Variants in SYBU observed in about 807,000 individuals in gnomAD.
SYBU encodes the protein GOLSYN A protein.
Under a neutral mutation model 35.9 loss-of-function variants are expected in SYBU, and 21 were observed. The observed-to-expected ratio is 0.58, with a 90% CI of 0.41 to 0.84. The LOEUF is 0.84. Among genes scored for constraint, SYBU ranks in the 40% least tolerant of loss-of-function variants. The pLI, the probability that SYBU is intolerant of heterozygous loss-of-function variation, is 0.00. For missense variants in SYBU, 768 were observed against 848.2 expected (o/e 0.91, Z 1.17); for synonymous variants, 319 against 324.3 (o/e 0.98, Z 0.18).
At chr8:109,678,979 T>G (rs115777778) in intron 1 of SYBU, among the ~76,000 whole-genome samples, 2,162 of 152,096 alleles carry the variant, frequency 0.014, 51 homozygotes, top group African/African-American at 0.049. Context: ...AGTGACAGGA[T>G]GGAGGTTGGC....
chr8:109,605,002 A>G lies in SYBU; in HGVS notation c.427+13840T>C, dbSNP rs533043780. 2.6e-5 allele frequency among the ~76,000 whole-genome samples: 4 copies of G among 152,320 alleles called. No individual in the cohort carries two copies. The East Asian group carries it at 7.7e-4, about 29-fold the overall frequency. ...AGTTTCCCTGAATAATGTTGCTGCCATGTAAGACAAGGAAGCATCCCTTAC... is the reference window on the plus strand; with the variant it reads ...AGTTTCCCTGAATAATGTTGCTGCCGTGTAAGACAAGGAAGCATCCCTTAC... On this transcript the variant is annotated intron_variant, in intron 3 of 6. Transcript: ENST00000276646.
At chr8:109,679,147 T>C (rs562582795) in intron 1 of SYBU, among the ~76,000 whole-genome samples, 5 of 152,284 alleles carry the variant, frequency 3.3e-5, no homozygotes, top group East Asian at 1.9e-4. Flanking sequence ...TAAAAGACAC[T>C]CCTACCAGCG....
intron 1 of SYBU, among the ~76,000 whole-genome samples, chr8:109,663,061 T>A (rs1816622165): frequency 6.6e-6 from 1 of 152,200 alleles, no homozygotes; most frequent in East Asian, 1.9e-4. Context: ...TAAGATATAC[T>A]CTTGATTTTT....
chr8:109,671,222 T>C (rs1031197101), intron 1 of SYBU, among the ~76,000 whole-genome samples: 1 of 151,468 alleles, frequency 6.6e-6, no homozygotes, highest in Non-Finnish European at 1.5e-5. Flanking sequence ...AAATCTTATT[T>C]CAGCATTTCC....
At position 109,621,541 on chromosome 8, in the gene SYBU, G is replaced by A. The variant is rs539067387; in HGVS notation, c.230-2502C>T. Among the ~76,000 whole-genome samples the A allele has an allele frequency of 3.3e-5, 5 of 152,302 alleles. No individual in the cohort carries two copies. The East Asian group carries it at 5.8e-4, about 18-fold the overall frequency. ...CTTGTGCTTCATATGGTGTGTGTTGGGGGGGCAATACTAGGAATATAAGAC... is the reference window on the plus strand; with the variant it reads ...CTTGTGCTTCATATGGTGTGTGTTGAGGGGGCAATACTAGGAATATAAGAC... On this transcript the variant is annotated intron_variant, in intron 2 of 6. Transcript: ENST00000276646.
intron 3 of SYBU, among the ~76,000 whole-genome samples, chr8:109,598,241 T>C (rs900004858): frequency 2.0e-5 from 3 of 152,214 alleles, no homozygotes; most frequent in East Asian, 1.9e-4. Flanking sequence ...AGATACACAC[T>C]GTAGTATATA....
At chr8:109,607,166 T>C (rs1001678536) in intron 3 of SYBU, among the ~76,000 whole-genome samples, 4 of 152,240 alleles carry the variant, frequency 2.6e-5, no homozygotes, top group Admixed American at 6.5e-5. Context: ...AGATGACTCA[T>C]GTGTTTTACA....
chr8:109,581,137 A>C (rs1822985463), intron 4 of SYBU: 1 of 152,230 alleles, frequency 6.6e-6, no homozygotes, highest in African/African-American at 2.4e-5. Flanking sequence ...TCACAACTGC[A>C]TACTTATTTG....
intron 2 of SYBU, among the ~76,000 whole-genome samples, chr8:109,633,263 C>A (rs1414136855): frequency 6.6e-6 from 1 of 152,164 alleles, no homozygotes; most frequent in Non-Finnish European, 1.5e-5. Flanking sequence ...TCACGTCAGT[C>A]TCTAACCGTG....
chr8:109,599,653 C>A (rs1276474825), intron 3 of SYBU, among the ~76,000 whole-genome samples: 4 of 152,234 alleles, frequency 2.6e-5, no homozygotes, highest in Non-Finnish European at 5.9e-5. Context: ...CCCAGAATTA[C>A]TGAAACAGCA....
At chr8:109,642,398 AC>A (rs749123530) in intron 2 of SYBU, among the ~76,000 whole-genome samples, 1 of 152,220 alleles carries the variant, frequency 6.6e-6, no homozygotes, top group Non-Finnish European at 1.5e-5. Flanking sequence ...TACTTATGTA[AC>A]AAACCTGCAT....
chr8:109,640,205 G>T (rs1814699474), intron 2 of SYBU, among the ~76,000 whole-genome samples: 2 of 152,186 alleles, frequency 1.3e-5, no homozygotes, highest in Non-Finnish European at 2.9e-5. Context: ...CGATTTTCAT[G>T]TACAGCATTA....
intron 3 of SYBU, among the ~76,000 whole-genome samples, chr8:109,615,942 T>C (rs1490659068): frequency 6.6e-6 from 1 of 151,690 alleles, no homozygotes; most frequent in Non-Finnish European, 1.5e-5. Context: ...TTTGTTTTCC[T>C]TCCTTCCTTC....
intron 3 of SYBU, 144 bp downstream of exon 3, chr8:109,618,698 A>C: frequency 3.7e-4 from 280 of 759,036 alleles, no homozygotes; most frequent in Non-Finnish European, 5.6e-4. Context: ...TCCACTTTCC[A>C]CCCTGCCTCC....
chr8:109,669,340 A>T (rs1816885664), intron 1 of SYBU, among the ~76,000 whole-genome samples: 2 of 47,910 alleles, frequency 4.2e-5, no homozygotes, highest in Non-Finnish European at 6.7e-5. Flanking sequence ...AGACTCCGTC[A>T]AAAAAAAAAA....
At chr8:109,645,523 G>A (rs1586939886), upstream of SYBU, 2 of 348,268 alleles carry the variant, frequency 5.7e-6, no homozygotes, top group East Asian at 1.5e-4. Flanking sequence ...ACTGCTAAGG[G>A]AAGAGCACTG....
chr8:109,682,009 T>C (rs2130784803), upstream of SYBU, among the ~76,000 whole-genome samples: 1 of 152,324 alleles, frequency 6.6e-6, no homozygotes, highest in Admixed American at 6.5e-5. Context: ...ATAATGATTG[T>C]AAGTTTCCTG....
chr8:109,642,186 CA>C (rs1340853259), intron 2 of SYBU, among the ~76,000 whole-genome samples: 1 of 152,094 alleles, frequency 6.6e-6, no homozygotes, highest in Non-Finnish European at 1.5e-5. Context: ...CCATCATTCT[CA>C]GCAAACTAAA....
upstream of SYBU, among the ~76,000 whole-genome samples, chr8:109,682,676 C>G (rs3133931): frequency 0.14 from 21,677 of 152,164 alleles, 1,777 homozygotes; most frequent in East Asian, 0.4. Context: ...CAGAAATTTG[C>G]ACAAGTAACA....
Sources: allele counts gnomAD v4.1 joint callset (sites outside exome capture counted in the v4.1 genomes callset), GRCh38; gene constraint gnomAD v4.1.1; transcripts MANE v1.5; gene names NCBI Gene and HGNC (gene_info 2026-07-23, HGNC 2026-07-21).